Variants in UBIAD1 observed in about 807,000 individuals in gnomAD.
The protein encoded by UBIAD1 is UbiA prenyltransferase domain containing 1, also known as ubiA prenyltransferase domain-containing protein 1.
Under a neutral mutation model 20.1 loss-of-function variants are expected in UBIAD1, and 12 were observed. That is an observed-to-expected ratio of 0.60 (90% confidence interval 0.38 to 0.97). UBIAD1 has a LOEUF of 0.97. Among genes scored for constraint, UBIAD1 ranks in the 50% least tolerant of loss-of-function variants. UBIAD1 has a pLI of 0.00. For synonymous variants in UBIAD1, 207 were observed against 189.2 expected (o/e 1.09, Z -0.77); for missense variants, 333 against 419.5 (o/e 0.79, Z 1.80).
Position 11,286,227 on chromosome 1 carries a change from A to G in UBIAD1, c.*96A>G. 1 of 1,536,570 alleles carries G rather than the reference A, an allele frequency of 6.5e-7. No individual in the cohort carries two copies. Reference sequence around the variant, plus strand: ...AGGAATGTGATTTGGCAGTCAGGGTACTAAGCATGGGTGGGAACTCCTGCC... The same window carrying G: ...AGGAATGTGATTTGGCAGTCAGGGTGCTAAGCATGGGTGGGAACTCCTGCC... On this transcript the variant is annotated 3_prime_UTR_variant, in exon 2 of 2. Transcript: ENST00000376810.
At chr1:11,279,580 C>T (rs1243164386) in intron 1 of UBIAD1, among the ~76,000 whole-genome samples, 1 of 152,062 alleles carries the variant, frequency 6.6e-6, no homozygotes, top group African/African-American at 2.4e-5. Context: ...CCATGCCTGG[C>T]TAATTTTGTA....
Position 11,274,931 on chromosome 1 carries a change from A to AT in UBIAD1, c.529+882dup, listed in dbSNP as rs139319809. 5.3e-4 allele frequency among the ~76,000 whole-genome samples: 78 copies of AT among 146,834 alleles called. 1 individual carries two copies. In the South Asian group the frequency reaches 0.012, roughly 22 times the overall value. ...CCTATATGGACATTTTTTCTGTCTC[A>AT]TTTTTTTTTTTAATCACTCATACTT... On this transcript the variant is annotated intron_variant, in intron 1 of 1. Coordinates refer to ENST00000376810, the MANE Select transcript of UBIAD1 (RefSeq NM_013319.3).
Position 11,273,702 on chromosome 1 carries a change from C to T in UBIAD1, c.171C>T (p.Ser57=), listed in dbSNP as rs1651874965. The change falls in exon 1 of 2, where the codon AGC becomes AGT. Residue 57 remains serine (S), a synonymous_variant. Transcript: ENST00000376810. This position sits in a 1 kb window ranked among gnomAD's most constrained non-coding sequence, Gnocchi z 4.9. ...ASYVLALRPW[S]FSASLTPVAL... is the part of the protein sequence containing the mutation. ...ACGTGTTGGCCCTGAGGCCCTGGAGCTTCAGTGCCTCACTCACACCGGTGG... is the reference window on the plus strand; with the variant it reads ...ACGTGTTGGCCCTGAGGCCCTGGAGTTTCAGTGCCTCACTCACACCGGTGG... 1 of 1,614,186 alleles carries T rather than the reference C, an allele frequency of 6.2e-7. No homozygotes were observed. The highest frequency in any genetic ancestry group is 8.5e-7 in the Non-Finnish European group (1 of 1,180,030).
intron 1 of UBIAD1, among the ~76,000 whole-genome samples, chr1:11,283,619 T>C (rs1384907488): frequency 6.6e-6 from 1 of 152,108 alleles, no homozygotes; most frequent in African/African-American, 2.4e-5. Context: ...TTAATGCCCT[T>C]CCCTGGAGAT....
In UBIAD1 at chr1:11,286,334, A is replaced by C; in HGVS notation, c.*203A>C. 1.5e-6 allele frequency: 1 copy of C among 679,752 alleles called. No homozygotes were observed. The highest frequency in any genetic ancestry group is 2.8e-5 in the East Asian group (1 of 35,886). 42.1% of individuals were successfully genotyped at this position (679,752 alleles called of 1,614,324 possible). On this transcript the variant is annotated 3_prime_UTR_variant, in exon 2 of 2. Coordinates refer to ENST00000376810, the MANE Select transcript of UBIAD1 (RefSeq NM_013319.3). The stretch of plus-strand genomic sequence containing the variant: ...TTTTTCCATTTTATGGGGAATTTAA[A>C]AACCATTCTTGTATCAGAAGGTGAA...
At position 11,285,992 on chromosome 1, in the gene UBIAD1, C is replaced by CCTT. The variant is rs1557520102; in HGVS notation, c.881_883dup (p.Phe294dup). ...CTCCCCCTGCTTACCATTCCCATGG[C>CCTT]CTTCTCCCTTGAGAGACAGTTTCGA... is the stretch of plus-strand genomic sequence containing the variant. On this transcript the variant is annotated inframe_insertion, in exon 2 of 2. Coordinates refer to ENST00000376810, the MANE Select transcript of UBIAD1 (RefSeq NM_013319.3). The surrounding 1 kb of genome is among the most constrained non-coding windows in gnomAD (Gnocchi z 4.4). 1 of 1,614,108 alleles carries CCTT rather than the reference C, an allele frequency of 6.2e-7. No individual in the cohort carries two copies. Among genetic ancestry groups the CCTT allele is most frequent in the Non-Finnish European group, 8.5e-7 (1 of 1,180,052 alleles).
intron 1 of UBIAD1, among the ~76,000 whole-genome samples, chr1:11,278,173 G>C (rs1448348650): frequency 6.6e-6 from 1 of 152,000 alleles, no homozygotes; most frequent in African/African-American, 2.4e-5. Context: ...GGCCAGGCTG[G>C]TCTTGAACTC....
In UBIAD1 at chr1:11,273,388, G is replaced by T; in HGVS notation, c.-144G>T. The T allele has an allele frequency of 9.8e-7, 1 of 1,024,680 alleles. No individual in the cohort carries two copies. Among genetic ancestry groups the T allele is most frequent in the Non-Finnish European group, 1.4e-6 (1 of 693,426 alleles). The allele number at this position is 1,024,680 out of a possible 1,614,324, so 63.5% of individuals were successfully genotyped here. A position where few individuals can be genotyped will look rare whatever the true frequency, so the allele number is the denominator to read the frequency against. On this transcript the variant is annotated 5_prime_UTR_variant, in exon 1 of 2. Transcript: ENST00000376810. This position sits in a 1 kb window ranked among gnomAD's most constrained non-coding sequence, Gnocchi z 4.9. ...GTAAGACCCACTTGCTGTTGCCCCCGGACCTTGCCGCCACACCAGCCCTGT... is the reference window on the plus strand; with the variant it reads ...GTAAGACCCACTTGCTGTTGCCCCCTGACCTTGCCGCCACACCAGCCCTGT...
rs1638254542 is a variant in UBIAD1, at chr1:11,285,909, C to T, written c.795C>T (p.Leu265=). The part of the protein sequence containing the change: ...TFSYILYNTL[L]FLPYLVFSIL... ...CCTACATTCTCTACAACACACTGCT[C>T]TTCCTGCCCTACCTGGTCTTCAGCA... The change falls in exon 2 of 2, where the codon CTC becomes CTT. Residue 265 remains leucine, a synonymous_variant. Coordinates refer to ENST00000376810, the MANE Select transcript of UBIAD1 (RefSeq NM_013319.3). This position sits in a 1 kb window ranked among gnomAD's most constrained non-coding sequence, Gnocchi z 4.4. 6.2e-7 allele frequency: 1 copy of T among 1,614,222 alleles called. No individual in the cohort carries two copies. Among genetic ancestry groups the T allele is most frequent in the Non-Finnish European group, 8.5e-7 (1 of 1,180,042 alleles).
intron 1 of UBIAD1, among the ~76,000 whole-genome samples, chr1:11,276,257 T>TA (rs898703811): frequency 2.6e-5 from 4 of 151,866 alleles, no homozygotes; most frequent in Non-Finnish European, 5.9e-5. Flanking sequence ...GCTTTGAAGG[T>TA]AGACAGGGTT....
downstream of UBIAD1, among the ~76,000 whole-genome samples, chr1:11,299,394 G>A (rs773951976): frequency 9.2e-5 from 14 of 152,140 alleles, no homozygotes; most frequent in Non-Finnish European, 1.5e-4. Context: ...CACAACCACC[G>A]CACAGGAGCA....
chr1:11,281,386 C>T (rs1652237388), intron 1 of UBIAD1, among the ~76,000 whole-genome samples: 1 of 152,190 alleles, frequency 6.6e-6, no homozygotes, highest in Non-Finnish European at 1.5e-5. Flanking sequence ...TGCGAGCTCC[C>T]TCCCTGCAGT....
intron 1 of UBIAD1, among the ~76,000 whole-genome samples, chr1:11,278,371 A>G (rs1267026087): frequency 6.6e-6 from 1 of 152,160 alleles, no homozygotes; most frequent in Non-Finnish European, 1.5e-5. Flanking sequence ...CGAGTACTCC[A>G]AGTTTATGTT....
intron 1 of UBIAD1, among the ~76,000 whole-genome samples, chr1:11,274,355 G>A (rs1245588847): frequency 1.3e-5 from 2 of 152,336 alleles, no homozygotes; most frequent in African/African-American, 4.8e-5. Flanking sequence ...CTGGAGTGCA[G>A]TGGTGCGATC....
downstream of UBIAD1, among the ~76,000 whole-genome samples, chr1:11,291,257 C>T (rs77308985): frequency 9.1e-3 from 1,382 of 152,212 alleles, 27 homozygotes; most frequent in African/African-American, 0.031. Context: ...AGATCAAGAA[C>T]ATGCTGTGGA....
chr1:11,293,934 A>G (rs1024536553), intron 1 of UBIAD1, among the ~76,000 whole-genome samples: 3 of 152,092 alleles, frequency 2.0e-5, no homozygotes, highest in African/African-American at 7.2e-5. Context: ...CAGCCTCCCA[A>G]AGTGCTTGGA....
chr1:11,277,593 A>G (rs998462437), intron 1 of UBIAD1, among the ~76,000 whole-genome samples: 11 of 151,968 alleles, frequency 7.2e-5, no homozygotes, highest in African/African-American at 2.7e-4. Flanking sequence ...TACTTTTTAA[A>G]CAATTTCAAC....
At chr1:11,295,025 G>A (rs1638425497) in exon 2 of UBIAD1, 3 of 703,698 alleles carry the variant, frequency 4.3e-6, no homozygotes, top group Admixed American at 2.0e-5. Flanking sequence ...TTCCTGCCTC[G>A]GGGTGGGCAG....
At chr1:11,283,413 G>A (rs563229682) in intron 1 of UBIAD1, among the ~76,000 whole-genome samples, 3 of 152,186 alleles carry the variant, frequency 2.0e-5, no homozygotes, top group Admixed American at 6.5e-5. Context: ...TGGAAGAGAC[G>A]TCAATTTACT....
Sources: gnomAD v4.1 joint callset for allele counts (sites outside exome capture counted in the v4.1 genomes callset) on GRCh38, gnomAD v4.1.1 for gene constraint, Gnocchi (gnomAD v3.1) non-coding constraint, MANE v1.5 for transcripts, NCBI Gene and HGNC (gene_info 2026-07-23, HGNC 2026-07-21) for gene names.